DNAH6: variants seen among roughly 807,000 people sequenced by gnomAD.
DNAH6 encodes axonemal beta dynein heavy chain 6.
Under a neutral mutation model 491.4 loss-of-function variants are expected in DNAH6, and 340 were observed. That is an observed-to-expected ratio of 0.69 (90% confidence interval 0.63 to 0.76). DNAH6 has a LOEUF of 0.76. Ranked by LOEUF, DNAH6 falls within the 30% of genes least tolerant of loss-of-function variation. The pLI is 0.00. For synonymous variants in DNAH6, 1,603 were observed against 1,686.1 expected, an observed-to-expected ratio of 0.95 and a Z score of 1.21; for missense variants, 4,443 against 4,972.2, an observed-to-expected ratio of 0.89 and a Z score of 3.20.
chr2:84,775,713 T>G (rs984109242), intron 64 of DNAH6, among the ~76,000 whole-genome samples: 17 of 152,164 alleles, frequency 1.1e-4, no homozygotes, highest in African/African-American at 4.1e-4. Context: ...AGGATTTCTG[T>G]TTTTTCCTGG....
chr2:84,689,662 G>A (rs2104771639), intron 45 of DNAH6, among the ~76,000 whole-genome samples: 1 of 152,286 alleles, frequency 6.6e-6, no homozygotes. Context: ...CAGTCATACA[G>A]GCCCACTCAA....
At chr2:84,644,167 C>A (rs1174913672) in intron 33 of DNAH6, among the ~76,000 whole-genome samples, 1 of 152,136 alleles carries the variant, frequency 6.6e-6, no homozygotes, top group Non-Finnish European at 1.5e-5. Flanking sequence ...TTAGGTGGTA[C>A]AGGGTGGCTA....
chr2:84,489,225 T>C, the DNAH6 span, among the ~76,000 whole-genome samples: 1 of 152,182 alleles, frequency 6.6e-6, no homozygotes, highest in Non-Finnish European at 1.5e-5. Context: ...TCTAATTGAA[T>C]AATTGCTACC....
At chr2:84,659,872 C>T (rs547624254) in intron 37 of DNAH6, among the ~76,000 whole-genome samples, 58 of 152,138 alleles carry the variant, frequency 3.8e-4, no homozygotes, top group African/African-American at 1.3e-3. Flanking sequence ...GTTCTAGCTA[C>T]GTAGGAGGCT....
the DNAH6 span, among the ~76,000 whole-genome samples, chr2:84,460,535 T>TG: frequency 2.0e-5 from 3 of 152,236 alleles, no homozygotes; most frequent in Non-Finnish European, 4.4e-5. Flanking sequence ...AAAAATATAA[T>TG]TTCAGTACAC....
intron 63 of DNAH6, among the ~76,000 whole-genome samples, chr2:84,760,600 A>G (rs1028617456): frequency 6.6e-6 from 1 of 152,170 alleles, no homozygotes; most frequent in Non-Finnish European, 1.5e-5. Context: ...TAAAACCACA[A>G]TGAGATATTA....
intron 33 of DNAH6, among the ~76,000 whole-genome samples, chr2:84,650,014 T>G (rs1690279557): frequency 6.6e-6 from 1 of 152,132 alleles, no homozygotes; most frequent in African/African-American, 2.4e-5. Context: ...ATTTTATGTG[T>G]TTTTTTCCCT....
intron 17 of DNAH6, among the ~76,000 whole-genome samples, chr2:84,594,527 C>G (rs1684399936): frequency 6.6e-6 from 1 of 152,116 alleles, no homozygotes; most frequent in African/African-American, 2.4e-5. Context: ...TTTGAGAGCT[C>G]AATAGTAAAC....
the DNAH6 span, among the ~76,000 whole-genome samples, chr2:84,500,779 T>A: frequency 6.6e-6 from 1 of 152,210 alleles, no homozygotes; most frequent in Admixed American, 6.5e-5. Flanking sequence ...ATTAATTTAT[T>A]TGTGGCTATT....
intron 32 of DNAH6, among the ~76,000 whole-genome samples, chr2:84,641,715 T>C (rs1187789549): frequency 6.6e-6 from 1 of 152,092 alleles, no homozygotes; most frequent in Non-Finnish European, 1.5e-5. Context: ...AACATCGGGA[T>C]TGGGGAGGGT....
intron 64 of DNAH6, among the ~76,000 whole-genome samples, chr2:84,778,927 G>A (rs1285497085): frequency 2.6e-5 from 4 of 152,170 alleles, no homozygotes; most frequent in South Asian, 2.1e-4. Context: ...GAATAAAGTT[G>A]TTTAGTTTCC....
intron 29 of DNAH6, among the ~76,000 whole-genome samples, chr2:84,628,674 C>A (rs1688105694): frequency 6.6e-6 from 1 of 152,132 alleles, no homozygotes; most frequent in African/African-American, 2.4e-5. Context: ...GTTGTCATCA[C>A]TGCACAGATG....
At chr2:84,761,367 A>G (rs1192385) in intron 63 of DNAH6, among the ~76,000 whole-genome samples, 5,508 of 152,240 alleles carry the variant, frequency 0.036, 151 homozygotes, top group South Asian at 0.062. Flanking sequence ...AAATTACTTA[A>G]TGAGCACAGT....
chr2:84,529,216 T>C, intron 4 of DNAH6, 50 bp downstream of exon 4: 4 of 1,310,224 alleles, frequency 3.1e-6, no homozygotes, highest in Non-Finnish European at 3.1e-6. Flanking sequence ...CAAATAAGAT[T>C]TCACATATTA....
chr2:84,701,391 T>G (rs1219496037), intron 49 of DNAH6, 52 bp downstream of exon 49: 2 of 1,519,720 alleles, frequency 1.3e-6, no homozygotes, highest in Admixed American at 4.1e-5. Context: ...CTCAGAACTT[T>G]TGAGAATGCA....
At chr2:84,504,110 C>T in the DNAH6 span, among the ~76,000 whole-genome samples, 1 of 151,960 alleles carries the variant, frequency 6.6e-6, no homozygotes, top group Admixed American at 6.6e-5. Context: ...TCTTTTGTCT[C>T]CTCTGACCGT....
At chr2:84,809,111 CT>C (rs1473025102) in intron 72 of DNAH6, among the ~76,000 whole-genome samples, 1 of 152,190 alleles carries the variant, frequency 6.6e-6, no homozygotes, top group East Asian at 1.9e-4. Flanking sequence ...GTTTGATCTT[CT>C]GCTTTATGTT....
intron 19 of DNAH6, among the ~76,000 whole-genome samples, chr2:84,605,041 A>G (rs1473145279): frequency 6.6e-6 from 1 of 152,154 alleles, no homozygotes; most frequent in African/African-American, 2.4e-5. Context: ...ATCCAAGAAG[A>G]AGATTTTAAG....
chr2:84,571,245 AT>A (rs148860417), intron 11 of DNAH6, among the ~76,000 whole-genome samples: 2,400 of 152,372 alleles, frequency 0.016, 56 homozygotes, highest in African/African-American at 0.049. Flanking sequence ...GCCATCAGCA[AT>A]CACCAAGAAT....
Sources: gnomAD v4.1 joint callset for allele counts (sites outside exome capture counted in the v4.1 genomes callset) on GRCh38, gnomAD v4.1.1 for gene constraint, MANE v1.5 for transcripts, NCBI Gene and HGNC (gene_info 2026-07-23, HGNC 2026-07-21) for gene names.